The following MAMDC2 variants were observed in gnomAD, a reference collection of about 807,000 sequenced individuals.
The protein encoded by MAMDC2 is MAM domain-containing protein 2.
A neutral mutation model predicts 89.8 loss-of-function variants in MAMDC2; 57 were observed. That is an observed-to-expected ratio of 0.63 (90% CI 0.51 to 0.79). The LOEUF (loss-of-function observed/expected upper bound fraction) is 0.79. Ranked by LOEUF, MAMDC2 falls within the 30% of genes least tolerant of loss-of-function variation. The probability of loss-of-function intolerance (pLI) is 0.00; values close to 1 mark genes in which losing one functional copy is unlikely to be tolerated. For missense variants in MAMDC2, 800 were observed against 820.6 expected (o/e 0.97, Z 0.31); for synonymous variants, 313 against 293.4 (o/e 1.07, Z -0.68).
intron 9 of MAMDC2, among the ~76,000 whole-genome samples, chr9:70,148,889 CG>C (rs1162457680): frequency 1.3e-5 from 2 of 149,300 alleles, no homozygotes. Flanking sequence ...ATTAGCCGGG[CG>C]TGGTGGCAAG....
chr9:70,210,761 G>T (rs2033339222), intron 11 of MAMDC2, among the ~76,000 whole-genome samples: 1 of 151,492 alleles, frequency 6.6e-6, no homozygotes, highest in South Asian at 2.1e-4. Flanking sequence ...TTTTGCAGTG[G>T]CTGGTACCGG....
chr9:70,077,791 A>G (rs1827565748), intron 2 of MAMDC2, among the ~76,000 whole-genome samples: 1 of 152,192 alleles, frequency 6.6e-6, no homozygotes, highest in East Asian at 1.9e-4. Context: ...TGAACCAGAG[A>G]TGTCAATGCC....
intron 9 of MAMDC2, among the ~76,000 whole-genome samples, chr9:70,152,828 A>G (rs548758005): frequency 6.6e-6 from 1 of 152,326 alleles, no homozygotes; most frequent in East Asian, 1.9e-4. Context: ...CCATATATCC[A>G]TAGTACCTGG....
rs559963657 is a variant in MAMDC2 at position 70,070,759 on chromosome 9, GTACT to G, written c.148+26067_148+26070del. ...GATTTGTCATAGATCCTTGCCTACTGTACTTACTGTCTTATCCCATTTCTTATTT... is the reference window on the plus strand; with the variant it reads ...GATTTGTCATAGATCCTTGCCTACTGTACTGTCTTATCCCATTTCTTATTT... On this transcript the variant is annotated intron_variant, in intron 2 of 13. Transcript: ENST00000377182. 1.9e-4 allele frequency among the ~76,000 whole-genome samples: 29 copies of G among 152,126 alleles called. No individual in the cohort carries two copies. In the South Asian group the frequency reaches 5.8e-3, roughly 30 times the overall value.
chr9:70,068,122 G>C (rs1472133423), intron 2 of MAMDC2, among the ~76,000 whole-genome samples: 1 of 152,188 alleles, frequency 6.6e-6, no homozygotes, highest in African/African-American at 2.4e-5. Flanking sequence ...AGAATCCAGA[G>C]AAGAGTTAAG....
chr9:70,139,994 C>A, intron 7 of MAMDC2, 151 bp from the exon 8 acceptor site: 1 of 704,522 alleles, frequency 1.4e-6, no homozygotes, highest in Non-Finnish European at 2.1e-6. Context: ...TCTAACCTGT[C>A]AGCATGCCCT....
intron 2 of MAMDC2, among the ~76,000 whole-genome samples, chr9:70,078,570 G>C (rs535806114): frequency 6.6e-6 from 1 of 152,284 alleles, no homozygotes; most frequent in South Asian, 2.1e-4. Context: ...ATGTTGATTA[G>C]TGATTGGCTA....
intron 2 of MAMDC2, among the ~76,000 whole-genome samples, chr9:70,103,667 C>T (rs2975875): frequency 0.064 from 9,672 of 151,628 alleles, 984 homozygotes; most frequent in African/African-American, 0.21. Context: ...AAATTTTATA[C>T]TTCAAAGGAT....
chr9:70,158,360 ACT>A (rs1228915004), intron 9 of MAMDC2, among the ~76,000 whole-genome samples: 3 of 152,028 alleles, frequency 2.0e-5, no homozygotes, highest in African/African-American at 4.8e-5. Flanking sequence ...TATACTGTAC[ACT>A]GTTTGTATTG....
chr9:70,086,735 A>C (rs1827777728), intron 2 of MAMDC2: 1 of 152,134 alleles, frequency 6.6e-6, no homozygotes, highest in South Asian at 2.1e-4. Flanking sequence ...CCTATCATAG[A>C]GTAGAAAATA....
At chr9:70,131,905 T>C (rs1313935591) in intron 7 of MAMDC2, among the ~76,000 whole-genome samples, 3 of 152,214 alleles carry the variant, frequency 2.0e-5, no homozygotes, top group African/African-American at 7.2e-5. Flanking sequence ...ACACACTCAC[T>C]CCATCTTTCT....
chr9:70,066,296 T>A (rs1381509906), intron 2 of MAMDC2, among the ~76,000 whole-genome samples: 1 of 152,058 alleles, frequency 6.6e-6, no homozygotes, highest in Admixed American at 6.5e-5. Context: ...TATGAAGAAC[T>A]GTCAAGAAGC....
chr9:70,187,727 G>A (rs984073848), intron 11 of MAMDC2, among the ~76,000 whole-genome samples: 2 of 151,908 alleles, frequency 1.3e-5, no homozygotes, highest in Non-Finnish European at 2.9e-5. Context: ...TACAATATGT[G>A]GTCTTCTGTA....
intron 11 of MAMDC2, chr9:70,194,167 T>G (rs2032934730): frequency 6.6e-6 from 1 of 152,156 alleles, no homozygotes; most frequent in Admixed American, 6.6e-5. Flanking sequence ...GAGCTGCCTC[T>G]GCCATTTGCT....
chr9:70,077,737 G>A (rs1254006316), intron 2 of MAMDC2, among the ~76,000 whole-genome samples: 1 of 152,156 alleles, frequency 6.6e-6, no homozygotes, highest in Non-Finnish European at 1.5e-5. Context: ...CTCTTTGGAT[G>A]TTCTGAGGGG....
chr9:70,208,870 C>T (rs1329404919), intron 11 of MAMDC2, among the ~76,000 whole-genome samples: 1 of 152,146 alleles, frequency 6.6e-6, no homozygotes, highest in South Asian at 2.1e-4. Flanking sequence ...AAGGCCTTTT[C>T]TGTGTCTATT....
intron 2 of MAMDC2, among the ~76,000 whole-genome samples, chr9:70,089,667 C>A (rs1827845553): frequency 6.6e-6 from 1 of 152,056 alleles, no homozygotes; most frequent in African/African-American, 2.4e-5. Context: ...TGGGAATACA[C>A]CAAATACAAA....
chr9:70,084,847 GC>G (rs1236714259), intron 2 of MAMDC2, among the ~76,000 whole-genome samples: 1 of 151,328 alleles, frequency 6.6e-6, no homozygotes, highest in Non-Finnish European at 1.5e-5. Context: ...ACAGTACGTG[GC>G]CAGAAAGGGG....
intron 5 of MAMDC2, among the ~76,000 whole-genome samples, chr9:70,121,553 A>C (rs547434431): frequency 6.6e-6 from 1 of 152,276 alleles, no homozygotes; most frequent in South Asian, 2.1e-4. Flanking sequence ...GGGGGAACCC[A>C]TTTCCCCCAT....
Sources: gnomAD v4.1 joint callset for allele counts (sites outside exome capture counted in the v4.1 genomes callset) on GRCh38, gnomAD v4.1.1 for gene constraint, MANE v1.5 for transcripts, NCBI Gene and HGNC (gene_info 2026-07-23, HGNC 2026-07-21) for gene names.